The following AKAP12 variants were observed in gnomAD, a reference collection of about 807,000 sequenced individuals.
AKAP12 encodes the protein A-kinase anchor protein 12.
A neutral mutation model predicts 79.9 loss-of-function variants in AKAP12; 32 were observed. The observed-to-expected ratio is 0.40, with a 90% CI of 0.30 to 0.54. The LOEUF is 0.54. AKAP12 is among the 20% of genes least tolerant of loss of function. The pLI is 0.48. For missense variants in AKAP12, 2,074 were observed against 2,177.0 expected, an observed-to-expected ratio of 0.95 and a Z score of 0.94; for synonymous variants, 808 against 857.0, an observed-to-expected ratio of 0.94 and a Z score of 1.00.
At chr6:151,260,308 G>A (rs1182651748) in intron 2 of AKAP12, among the ~76,000 whole-genome samples, 7 of 152,064 alleles carry the variant, frequency 4.6e-5, no homozygotes, top group Admixed American at 1.3e-4. Context: ...CTTTTGATTC[G>A]ATCGCTCTTG....
At chr6:151,285,769 T>G (rs1270395221) in intron 2 of AKAP12, among the ~76,000 whole-genome samples, 1 of 149,400 alleles carries the variant, frequency 6.7e-6, no homozygotes, top group East Asian at 2.0e-4. Flanking sequence ...CTGTGTATGC[T>G]CTAAACTTAA....
rs1404291095 is a variant in AKAP12 at position 151,353,572 on chromosome 6, C to G, written c.5181C>G (p.Ser1727=). 1 of 1,613,912 alleles carries G rather than the reference C, an allele frequency of 6.2e-7. No homozygotes were observed. Among genetic ancestry groups the G allele is most frequent in the Non-Finnish European group, 8.5e-7 (1 of 1,179,988 alleles). Reference sequence around the variant, plus strand: ...CCTCAGGAGGCTTAACCAAAGAGTCCCCAGATACAAATGGACCAAAACAAA... The same window carrying G: ...CCTCAGGAGGCTTAACCAAAGAGTCGCCAGATACAAATGGACCAAAACAAA... ...TDASGGLTKE[S]PDTNGPKQKE... The change falls in exon 4 of 5, where the codon TCC becomes TCG. Residue 1727 remains serine, a synonymous_variant. Transcript: ENST00000402676.
At chr6:151,285,881 T>TC (rs1243816894) in intron 2 of AKAP12, among the ~76,000 whole-genome samples, 1 of 121,282 alleles carries the variant, frequency 8.2e-6, no homozygotes, top group Non-Finnish European at 1.9e-5. Flanking sequence ...AGGTGATAAT[T>TC]TTTTTTTTTT....
Position 151,351,016 on chromosome 6 carries a change from G to C in AKAP12, c.2625G>C (p.Lys875Asn), listed in dbSNP as rs143465085. 2.7e-4 allele frequency: 431 copies of C among 1,613,960 alleles called. No homozygotes were observed. The highest frequency in any genetic ancestry group is 5.5e-5 in the Non-Finnish European group (65 of 1,180,026). The change falls in exon 4 of 5, where the codon AAG becomes AAC. Residue 875 changes from lysine (K) to asparagine (N), a missense_variant. Transcript: ENST00000402676. This position sits in a 1 kb window ranked among gnomAD's most constrained non-coding sequence, Gnocchi z 4.4. Reference protein sequence around the residue: ...AQKSAEQPEQKAATEVSKELS... With the variant: ...AQKSAEQPEQNAATEVSKELS... ...AAAGCGCAGAGCAGCCCGAGCAGAA[G>C]GCAGCCACTGAGGTGTCCAAGGAGC... is the stretch of plus-strand genomic sequence containing the variant.
intron 3 of AKAP12, among the ~76,000 whole-genome samples, chr6:151,347,401 A>G (rs919746640): frequency 6.6e-6 from 1 of 152,180 alleles, no homozygotes; most frequent in African/African-American, 2.4e-5. Context: ...TTTCCTGTTA[A>G]GTGGGAAGTT....
Position 151,255,322 on chromosome 6 carries a change from C to T in AKAP12, c.162+14598C>T, listed in dbSNP as rs530729440. The stretch of plus-strand genomic sequence containing the variant: ...CTGGGATTACAGGCATGCACCACCA[C>T]GCCGGCTGATTTTGTATTTTTAGTA... On this transcript the variant is annotated intron_variant, in intron 2 of 4. Coordinates refer to ENST00000402676, the MANE Select transcript of AKAP12 (RefSeq NM_005100.4). Among the ~76,000 whole-genome samples, 9 of 152,110 alleles carry T rather than the reference C, an allele frequency of 5.9e-5. No individual in the cohort carries two copies. In the South Asian group the frequency reaches 6.2e-4, roughly 11 times the overall value.
intron 3 of AKAP12, among the ~76,000 whole-genome samples, chr6:151,346,252 CA>C (rs1778100539): frequency 6.6e-6 from 1 of 152,142 alleles, no homozygotes; most frequent in Admixed American, 6.6e-5. Flanking sequence ...CATTAAATCA[CA>C]TTGACTTGAC....
At position 151,356,209 on chromosome 6, in the gene AKAP12, A is replaced by G. The variant is rs1778435812; in HGVS notation, c.*495A>G. Reference sequence around the variant, plus strand: ...GCAGGCTTGGGGAGCTTTAAGCCTCAGTTATATAACCCACGAAAAACAGAG... The same window carrying G: ...GCAGGCTTGGGGAGCTTTAAGCCTCGGTTATATAACCCACGAAAAACAGAG... On this transcript the variant is annotated 3_prime_UTR_variant, in exon 5 of 5. Coordinates refer to ENST00000402676, the MANE Select transcript of AKAP12 (RefSeq NM_005100.4). 2 of 152,634 alleles carry G rather than the reference A, an allele frequency of 1.3e-5. No individual in the cohort carries two copies. The highest frequency in any genetic ancestry group is 2.9e-5 in the Non-Finnish European group (2 of 68,042). 9.5% of individuals were successfully genotyped at this position (152,634 alleles called of 1,614,324 possible).
chr6:151,272,396 G>A (rs1582847327), intron 2 of AKAP12, among the ~76,000 whole-genome samples: 1 of 148,888 alleles, frequency 6.7e-6, no homozygotes, highest in Non-Finnish European at 1.5e-5. Context: ...TAACCAAATT[G>A]CATTTGGTCA....
chr6:151,253,808 A>G (rs6557124), intron 2 of AKAP12, among the ~76,000 whole-genome samples: 146,000 of 152,166 alleles, frequency 0.96, 70,083 homozygotes, highest in East Asian at 1. Context: ...CTGGGTTCAA[A>G]CAATTCTCTT....
chr6:151,265,121 A>G (rs944060774), intron 2 of AKAP12, among the ~76,000 whole-genome samples: 2 of 151,952 alleles, frequency 1.3e-5, no homozygotes, highest in African/African-American at 2.4e-5. Context: ...ATTGCACTCC[A>G]GCCTGGGCAA....
chr6:151,260,439 C>T (rs1298279546), intron 2 of AKAP12, among the ~76,000 whole-genome samples: 1 of 152,182 alleles, frequency 6.6e-6, no homozygotes, highest in African/African-American at 2.4e-5. Context: ...GGAGATGTCT[C>T]TCATTATTAA....
At chr6:151,256,961 T>TATATATATATATATATATATATATAA in intron 2 of AKAP12, among the ~76,000 whole-genome samples, 3 of 151,336 alleles carry the variant, frequency 2.0e-5, no homozygotes, top group Non-Finnish European at 4.4e-5. Flanking sequence ...TATATATATA[T>TATATATATATATATATATATATATAA]AAACTTTAAA....
At position 151,352,857 on chromosome 6, in the gene AKAP12, C is replaced by A. The variant is rs780189879; in HGVS notation, c.4466C>A (p.Ser1489Tyr). ...GCAAAATCGACACCAGTGATAGTATCTGCTACTACCAAGAAAGGCTTAAGT... is the reference window on the plus strand; with the variant it reads ...GCAAAATCGACACCAGTGATAGTATATGCTACTACCAAGAAAGGCTTAAGT... Reference protein sequence around the residue: ...CQAKSTPVIVSATTKKGLSSD... With the variant: ...CQAKSTPVIVYATTKKGLSSD... The change falls in exon 4 of 5, where the codon TCT becomes TAT. Residue 1489 changes from serine (S) to tyrosine (Y), a missense_variant. By Grantham distance (144) the Ser-to-Tyr change is moderately radical. Around this residue, in one of 3 missense-constraint regions of AKAP12, gnomAD observed 614 missense variants for 665.6 expected, o/e 0.92. Transcript: ENST00000402676. The A allele has an allele frequency of 1.9e-6, 3 of 1,614,214 alleles. No homozygotes were observed. Among genetic ancestry groups the A allele is most frequent in the South Asian group, 2.2e-5 (2 of 91,076 alleles).
Position 151,349,439 on chromosome 6 carries a change from C to T in AKAP12, c.1048C>T (p.Leu350=). ...AAAGGCAGAGGTTGCCTCCGAGAAA[C>T]TGACCGCCTCCGAGCAAGCCCACCC... ...DGKAEVASEK[L]TASEQAHPQE... is the part of the protein sequence containing the mutation. Residue 350 remains leucine (L), a synonymous_variant, in exon 4 of 5, where the codon CTG becomes TTG. Transcript: ENST00000402676. 1 of 1,608,486 alleles carries T rather than the reference C, an allele frequency of 6.2e-7. No homozygotes were observed. The highest frequency in any genetic ancestry group is 8.5e-7 in the Non-Finnish European group (1 of 1,178,628).
At chr6:151,276,217 T>C (rs1372691626) in intron 2 of AKAP12, among the ~76,000 whole-genome samples, 1 of 151,434 alleles carries the variant, frequency 6.6e-6, no homozygotes, top group African/African-American at 2.5e-5. Context: ...TGAACACCCT[T>C]TAAAAAAAAA....
Position 151,349,644 on chromosome 6 carries a change from A to G in AKAP12, c.1253A>G (p.Glu418Gly), listed in dbSNP as rs748474341. Residue 418 changes from glutamate (E) to glycine (G), a missense_variant, in exon 4 of 5, where the codon GAA (glutamate) becomes GGA (glycine). Glu to Gly is a moderately conservative substitution (Grantham distance 98, BLOSUM62 -2). Transcript: ENST00000402676. Reference sequence around the variant, plus strand: ...GTCCACCAAGAAGAGGTTGTGGCCGAAGTCCACGTCAGCACCGTGGAGGAG... The same window carrying G: ...GTCCACCAAGAAGAGGTTGTGGCCGGAGTCCACGTCAGCACCGTGGAGGAG... ...IEVHQEEVVA[E>G]VHVSTVEERT... The G allele has an allele frequency of 1.2e-6, 2 of 1,613,652 alleles. No individual in the cohort carries two copies. Among genetic ancestry groups the G allele is most frequent in the African/African-American group, 1.3e-5 (1 of 74,866 alleles).
rs1797404690 is a variant in AKAP12, at chr6:151,260,454, TG to T, written c.162+19733del. ...GGAGATGTCTCTCATTATTAACTTC[TG>T]GGATGTCAGACAGCTCCTAAGATCC... On this transcript the variant is annotated intron_variant, in intron 2 of 4. Coordinates refer to ENST00000402676, the MANE Select transcript of AKAP12 (RefSeq NM_005100.4). 3.3e-5 allele frequency among the ~76,000 whole-genome samples: 5 copies of T among 152,320 alleles called. No homozygotes were observed. In the South Asian group the frequency reaches 1.0e-3, roughly 32 times the overall value.
chr6:151,338,911 G>T (rs779185457), intron 3 of AKAP12, among the ~76,000 whole-genome samples: 1 of 152,136 alleles, frequency 6.6e-6, no homozygotes, highest in Non-Finnish European at 1.5e-5. Flanking sequence ...TCAACAATAA[G>T]CATGTAAATA....
Sources: allele counts gnomAD v4.1 joint callset (sites outside exome capture counted in the v4.1 genomes callset), GRCh38; gene constraint gnomAD v4.1.1; regional missense constraint gnomAD v4.1.1; non-coding constraint Gnocchi (gnomAD v3.1); transcripts MANE v1.5; gene names NCBI Gene and HGNC (gene_info 2026-07-23, HGNC 2026-07-21).